Variants in RFX4 observed in about 807,000 individuals in gnomAD.
RFX4 encodes the protein regulatory factor X4.
Under a neutral mutation model 95.0 loss-of-function variants are expected in RFX4, and 10 were observed. The observed-to-expected ratio is 0.11, with a 90% CI of 0.06 to 0.18. RFX4 has a LOEUF of 0.18. Ranked by LOEUF, RFX4 falls within the 10% of genes least tolerant of loss-of-function variation. RFX4 has a pLI of 1.00. For synonymous variants in RFX4, 321 were observed against 340.7 expected, an observed-to-expected ratio of 0.94 and a Z score of 0.64; for missense variants, 640 against 922.0, an observed-to-expected ratio of 0.69 and a Z score of 3.96.
At chr12:106,601,592 T>C (rs1271282355) in intron 1 of RFX4, among the ~76,000 whole-genome samples, 1 of 152,234 alleles carries the variant, frequency 6.6e-6, no homozygotes, top group Non-Finnish European at 1.5e-5. Flanking sequence ...TTTCTGCAGG[T>C]ATTGCATAAG....
At chr12:106,689,189 C>G (rs908561843) in intron 6 of RFX4, 98 bp from the exon 7 acceptor site, 9 of 1,015,762 alleles carry the variant, frequency 8.9e-6, no homozygotes, top group Middle Eastern at 4.2e-4. Flanking sequence ...TGCATCCCCC[C>G]CACAGGGAAG....
rs899115516 is a variant in RFX4 at position 106,761,439 on chromosome 12, C to T, written c.2178C>T (p.Asn726=). 24 of 1,613,878 alleles carry T rather than the reference C, an allele frequency of 1.5e-5. No individual in the cohort carries two copies. The highest frequency in any genetic ancestry group is 8.9e-5 in the East Asian group (4 of 44,896). The change falls in exon 18 of 18, where the codon AAC becomes AAT. Residue 726 remains asparagine (N), a synonymous_variant. Coordinates refer to ENST00000392842, the MANE Select transcript of RFX4 (RefSeq NM_213594.3). Reference sequence around the variant, plus strand: ...ACTTTCCTGGCTTTGCTTACATCAACGGAGAGGCCTCTACAGGATGGGCTA... The same window carrying T: ...ACTTTCCTGGCTTTGCTTACATCAATGGAGAGGCCTCTACAGGATGGGCTA... ...MQHFPGFAYI[N]GEASTGWAK
At chr12:106,721,015 T>C in intron 13 of RFX4, 139 bp downstream of exon 13, 2 of 711,904 alleles carry the variant, frequency 2.8e-6, no homozygotes, top group South Asian at 1.7e-5. Context: ...AGACATGACA[T>C]TGTTAGGACT....
chr12:106,651,921 A>C (rs2040863848), intron 3 of RFX4, among the ~76,000 whole-genome samples: 2 of 152,222 alleles, frequency 1.3e-5, no homozygotes, highest in South Asian at 4.1e-4. Flanking sequence ...CCCCAGTTTG[A>C]GAAAGCTGTC....
intron 1 of RFX4, among the ~76,000 whole-genome samples, chr12:106,590,814 G>A (rs1565942050): frequency 1.3e-5 from 2 of 152,106 alleles, no homozygotes; most frequent in Non-Finnish European, 2.9e-5. Context: ...GGACATGGTG[G>A]TGCATGCCTA....
chr12:106,697,514 T>G (rs1756534684), intron 8 of RFX4, among the ~76,000 whole-genome samples: 1 of 151,412 alleles, frequency 6.6e-6, no homozygotes, highest in Admixed American at 6.6e-5. Context: ...TACCACAAAC[T>G]GGCGGGGTGA....
At chr12:106,744,769 A>G (rs2042863133) in intron 15 of RFX4, among the ~76,000 whole-genome samples, 1 of 152,166 alleles carries the variant, frequency 6.6e-6, no homozygotes, top group South Asian at 2.1e-4. Context: ...GCCCGACTGA[A>G]CCACCCACTC....
At chr12:106,589,397 G>A (rs1225307383) in intron 1 of RFX4, among the ~76,000 whole-genome samples, 1 of 152,130 alleles carries the variant, frequency 6.6e-6, no homozygotes, top group Non-Finnish European at 1.5e-5. Flanking sequence ...GCACTACAAG[G>A]AACATAAAAA....
chr12:106,659,719 A>T (rs2041034463), intron 4 of RFX4, among the ~76,000 whole-genome samples: 1 of 152,198 alleles, frequency 6.6e-6, no homozygotes, highest in African/African-American at 2.4e-5. Flanking sequence ...TGAGTCCCAG[A>T]GAAGCTGGAT....
chr12:106,680,850 T>C (rs1413386165), intron 4 of RFX4: 1 of 152,254 alleles, frequency 6.6e-6, no homozygotes, highest in East Asian at 1.9e-4. Context: ...AATTTCACAA[T>C]AACTCTAGAG....
At chr12:106,686,771 T>C (rs1214857916) in intron 5 of RFX4, 113 bp from the exon 6 acceptor site, 1 of 938,400 alleles carries the variant, frequency 1.1e-6, no homozygotes, top group Non-Finnish European at 1.6e-6. Flanking sequence ...GCCCCAGCTT[T>C]CCTTGGCCTT....
At chr12:106,721,539 T>A (rs1377356823) in intron 13 of RFX4, among the ~76,000 whole-genome samples, 1 of 152,234 alleles carries the variant, frequency 6.6e-6, no homozygotes, top group East Asian at 1.9e-4. Context: ...AATGTTATGA[T>A]ACATTGTAGG....
chr12:106,593,458 G>C (rs2374624), intron 1 of RFX4, among the ~76,000 whole-genome samples: 109,918 of 152,190 alleles, frequency 0.72, 40,058 homozygotes, highest in East Asian at 0.96. Context: ...TCAGTCAATG[G>C]AAGCAAACTA....
At chr12:106,749,744 G>A (rs1391991224) in intron 16 of RFX4, among the ~76,000 whole-genome samples, 1 of 152,138 alleles carries the variant, frequency 6.6e-6, no homozygotes, top group African/African-American at 2.4e-5. Context: ...GAATGACCGT[G>A]CGCAGCATTT....
intron 4 of RFX4, among the ~76,000 whole-genome samples, chr12:106,670,840 G>A (rs2041266868): frequency 6.6e-6 from 1 of 152,072 alleles, no homozygotes; most frequent in African/African-American, 2.4e-5. Flanking sequence ...AAATAGACTA[G>A]GTTTATTGTC....
intron 1 of RFX4, among the ~76,000 whole-genome samples, chr12:106,599,697 T>C (rs2039671669): frequency 6.6e-6 from 1 of 152,030 alleles, no homozygotes; most frequent in Non-Finnish European, 1.5e-5. Context: ...TTTTCTCCAC[T>C]ACATTCTTTT....
intron 2 of RFX4, among the ~76,000 whole-genome samples, chr12:106,609,369 C>T (rs1010115614): frequency 1.3e-5 from 2 of 152,164 alleles, no homozygotes; most frequent in African/African-American, 4.8e-5. Context: ...GTGTTTACAC[C>T]TTGTCCTGTG....
chr12:106,674,515 G>C (rs2041353925), intron 4 of RFX4, among the ~76,000 whole-genome samples: 1 of 151,950 alleles, frequency 6.6e-6, no homozygotes, highest in Non-Finnish European at 1.5e-5. Flanking sequence ...ATTTTTAGTA[G>C]AGACGGGGTT....
chr12:106,673,526 C>A (rs1190521328), intron 4 of RFX4, among the ~76,000 whole-genome samples: 1 of 152,182 alleles, frequency 6.6e-6, no homozygotes, highest in African/African-American at 2.4e-5. Flanking sequence ...GAAGAAAGAG[C>A]AAAAGGTCTT....
Sources: gnomAD v4.1 joint callset for allele counts (sites outside exome capture counted in the v4.1 genomes callset) on GRCh38, gnomAD v4.1.1 for gene constraint, MANE v1.5 for transcripts, NCBI Gene and HGNC (gene_info 2026-07-23, HGNC 2026-07-21) for gene names.